The following FCHSD2 variants were observed in gnomAD, a reference collection of about 807,000 sequenced individuals.
FCHSD2 encodes the protein FCH and double SH3 domains 2.
FCHSD2 carries 38 observed loss-of-function variants against 108.1 expected under a neutral mutation model. The observed-to-expected ratio is 0.35, with a 90% CI of 0.27 to 0.46. The LOEUF (loss-of-function observed/expected upper bound fraction) is 0.46. FCHSD2 is among the 20% of genes least tolerant of loss of function. The pLI is 1.00. For synonymous variants in FCHSD2, 279 were observed against 314.7 expected (o/e 0.89, Z 1.20); for missense variants, 751 against 897.8 (o/e 0.84, Z 2.09).
chr11:73,123,710 A>G (rs1591572901), intron 2 of FCHSD2, among the ~76,000 whole-genome samples: 3 of 152,302 alleles, frequency 2.0e-5, no homozygotes, highest in African/African-American at 7.2e-5. Context: ...CCACTTCAAA[A>G]CATCACAGAG....
At chr11:72,965,069 A>G (rs566257098) in intron 8 of FCHSD2, among the ~76,000 whole-genome samples, 17 of 152,206 alleles carry the variant, frequency 1.1e-4, no homozygotes, top group African/African-American at 1.9e-4. Flanking sequence ...GATTACAGGC[A>G]TGAGCCACCG....
intron 13 of FCHSD2, among the ~76,000 whole-genome samples, chr11:72,858,323 T>C (rs2135185308): frequency 6.6e-6 from 1 of 152,360 alleles, no homozygotes; most frequent in South Asian, 2.1e-4. Context: ...CACATGCATG[T>C]TCATTGCAGC....
At chr11:72,872,871 T>C (rs930594481) in intron 12 of FCHSD2, among the ~76,000 whole-genome samples, 1 of 152,238 alleles carries the variant, frequency 6.6e-6, no homozygotes, top group East Asian at 1.9e-4. Context: ...AATACTAGAC[T>C]GTTTTTCAAC....
intron 2 of FCHSD2, among the ~76,000 whole-genome samples, chr11:73,130,377 C>CA (rs1178715832): frequency 6.6e-6 from 1 of 152,200 alleles, no homozygotes; most frequent in African/African-American, 2.4e-5. Context: ...GGACTACAGG[C>CA]ACGTGCTATG....
At chr11:72,941,679 G>A (rs1006714234) in intron 8 of FCHSD2, among the ~76,000 whole-genome samples, 9 of 152,088 alleles carry the variant, frequency 5.9e-5, no homozygotes, top group African/African-American at 1.4e-4. Flanking sequence ...ATGTACGTTT[G>A]TTTAAATATA....
At chr11:72,840,632 T>C (rs1860894865) in intron 19 of FCHSD2, among the ~76,000 whole-genome samples, 1 of 152,228 alleles carries the variant, frequency 6.6e-6, no homozygotes, top group Admixed American at 6.5e-5. Flanking sequence ...TAAATCACTT[T>C]CATAGCCATC....
At chr11:72,859,787 G>A (rs957353464) in intron 13 of FCHSD2, among the ~76,000 whole-genome samples, 1 of 152,146 alleles carries the variant, frequency 6.6e-6, no homozygotes, top group African/African-American at 2.4e-5. Flanking sequence ...CACTAAAAAG[G>A]ATTAGGAAAA....
intron 4 of FCHSD2, among the ~76,000 whole-genome samples, chr11:73,004,339 TG>T (rs1857694950): frequency 6.6e-6 from 1 of 152,174 alleles, no homozygotes; most frequent in Non-Finnish European, 1.5e-5. Flanking sequence ...AGCACCTCCA[TG>T]GTCATAACCT....
chr11:72,934,113 A>AG (rs1325021507), intron 8 of FCHSD2, among the ~76,000 whole-genome samples: 3 of 148,444 alleles, frequency 2.0e-5, no homozygotes, highest in African/African-American at 7.5e-5. Flanking sequence ...TGTCTCAGAA[A>AG]AAAAAAAAAA....
intron 10 of FCHSD2, among the ~76,000 whole-genome samples, chr11:72,898,843 C>G (rs897419740): frequency 6.6e-6 from 1 of 151,842 alleles, no homozygotes; most frequent in Non-Finnish European, 1.5e-5. Flanking sequence ...GATCCTCCCA[C>G]TTCAGCTTCC....
chr11:72,848,254 A>ACC (rs1456516693), intron 14 of FCHSD2, among the ~76,000 whole-genome samples: 5 of 152,102 alleles, frequency 3.3e-5, no homozygotes, highest in Non-Finnish European at 7.4e-5. Context: ...GACAACAAAC[A>ACC]CCTTTATGCA....
chr11:73,065,927 C>T (rs1470175463), intron 3 of FCHSD2, among the ~76,000 whole-genome samples: 1 of 152,104 alleles, frequency 6.6e-6, no homozygotes, highest in Non-Finnish European at 1.5e-5. Context: ...GGCCATACCA[C>T]CCAAAGTAAT....
chr11:73,042,860 T>C (rs1858673785), intron 3 of FCHSD2, among the ~76,000 whole-genome samples: 1 of 152,186 alleles, frequency 6.6e-6, no homozygotes, highest in African/African-American at 2.4e-5. Context: ...TGCTAGTTCA[T>C]TATTGGTATA....
At chr11:73,096,987 A>ATTTGTTTTTTTTTTTT (rs1860096701) in intron 2 of FCHSD2, among the ~76,000 whole-genome samples, 1 of 27,020 alleles carries the variant, frequency 3.7e-5, no homozygotes, top group Non-Finnish European at 5.6e-5. Flanking sequence ...TCATTGATGG[A>ATTTGTTTTTTTTTTTT]TTTTTTTTTT....
intron 13 of FCHSD2, among the ~76,000 whole-genome samples, chr11:72,863,539 A>G (rs1854650146): frequency 6.6e-6 from 1 of 152,204 alleles, no homozygotes; most frequent in Non-Finnish European, 1.5e-5. Context: ...GCTCTTTGAA[A>G]GGTATTAAGG....
At chr11:73,098,982 A>G (rs1481594118) in intron 2 of FCHSD2, among the ~76,000 whole-genome samples, 3 of 152,174 alleles carry the variant, frequency 2.0e-5, no homozygotes, top group Non-Finnish European at 2.9e-5. Context: ...GGGAGACTGA[A>G]GCAGGAGGAT....
At chr11:73,128,672 T>C (rs1232161773) in intron 2 of FCHSD2, among the ~76,000 whole-genome samples, 1 of 152,210 alleles carries the variant, frequency 6.6e-6, no homozygotes, top group Non-Finnish European at 1.5e-5. Context: ...TATGAAAATA[T>C]AGTACTTGGA....
intron 8 of FCHSD2, among the ~76,000 whole-genome samples, chr11:72,933,048 G>A (rs1856226584): frequency 6.6e-6 from 1 of 152,066 alleles, no homozygotes; most frequent in Non-Finnish European, 1.5e-5. Context: ...CTTTTATGTG[G>A]AATTCCAAGA....
At chr11:72,957,144 G>A (rs1171412486) in intron 8 of FCHSD2, among the ~76,000 whole-genome samples, 1 of 149,598 alleles carries the variant, frequency 6.7e-6, no homozygotes, top group African/African-American at 2.5e-5. Flanking sequence ...TAACTCGTCA[G>A]CTAGCATTAG....
Sources: allele counts gnomAD v4.1 joint callset (sites outside exome capture counted in the v4.1 genomes callset), GRCh38; gene constraint gnomAD v4.1.1; transcripts MANE v1.5; gene names NCBI Gene and HGNC (gene_info 2026-07-23, HGNC 2026-07-21).